Variants in PCDHGB4 observed in about 807,000 individuals in gnomAD.
PCDHGB4 encodes the protein protocadherin gamma-B4.
Under a neutral mutation model 60.5 loss-of-function variants are expected in PCDHGB4, and 38 were observed. The ratio of observed to expected loss-of-function variants is 0.63; its 90% confidence interval spans 0.48 to 0.82. The LOEUF (loss-of-function observed/expected upper bound fraction) is 0.82, where lower values mean the gene tolerates loss of function less well. Among genes scored for constraint, PCDHGB4 ranks in the 40% least tolerant of loss-of-function variants. The pLI, the probability that PCDHGB4 is intolerant of heterozygous loss-of-function variation, is 0.00. For synonymous variants in PCDHGB4, 456 were observed against 509.7 expected (o/e 0.89, Z 1.42); for missense variants, 1,109 against 1,209.6 (o/e 0.92, Z 1.23).
At chr5:141,438,630 A>ATG (rs2098034686) in intron 1 of PCDHGB4, among the ~76,000 whole-genome samples, 1 of 38,920 alleles carries the variant, frequency 2.6e-5, no homozygotes, top group Non-Finnish European at 4.2e-5. Flanking sequence ...ATATATATAT[A>ATG]TATATACACA....
rs771744120 is a variant in PCDHGB4 at position 141,485,876 on chromosome 5, G to A, written c.2398-8931G>A. ...AGAGCTCCGGGTATCCGTGCTGGAC[G>A]TAAACGACAACGCCCCAGCCTTCCA... On this transcript the variant is annotated intron_variant, in intron 1 of 3. Transcript: ENST00000519479. This position sits in a 1 kb window ranked among gnomAD's most constrained non-coding sequence, Gnocchi z 5.7. 1 of 1,614,174 alleles carries A rather than the reference G, an allele frequency of 6.2e-7. No homozygotes were observed. Among genetic ancestry groups the A allele is most frequent in the Non-Finnish European group, 8.5e-7 (1 of 1,180,030 alleles).
intron 1 of PCDHGB4, chr5:141,408,518 T>G: frequency 6.2e-7 from 1 of 1,614,012 alleles, no homozygotes; most frequent in Non-Finnish European, 8.5e-7. Flanking sequence ...TGAGTTGCAA[T>G]TGGAAGCTGT....
intron 1 of PCDHGB4, chr5:141,394,791 C>G (rs919264078): frequency 6.2e-7 from 1 of 1,613,736 alleles, no homozygotes. Flanking sequence ...CACTGTCACG[C>G]TCACCGTAGC....
chr5:141,395,643 T>A (rs2150633577), intron 1 of PCDHGB4: 1 of 171,018 alleles, frequency 5.8e-6, no homozygotes, highest in East Asian at 1.7e-4. Flanking sequence ...GCCTTGTTAT[T>A]AGCTTAGCAA....
chr5:141,394,033 G>A, intron 1 of PCDHGB4: 7 of 1,613,540 alleles, frequency 4.3e-6, no homozygotes, highest in Non-Finnish European at 5.9e-6. Context: ...TTAGTGACAA[G>A]GAAATATTTG....
rs140088812 is a variant in PCDHGB4, at chr5:141,489,695, T to C, written c.2398-5112T>C. The C allele has an allele frequency of 6.2e-7, 1 of 1,614,088 alleles. No homozygotes were observed. The highest frequency in any genetic ancestry group is 1.3e-5 in the African/African-American group (1 of 75,026). On this transcript the variant is annotated intron_variant, in intron 1 of 3. Transcript: ENST00000519479. This position sits in a 1 kb window ranked among gnomAD's most constrained non-coding sequence, Gnocchi z 4.5. ...GAATCAGCAGCATCTGGGGCACGAT[T>C]CCCACTGGACAGTGCCCAGGATCCG...
chr5:141,389,575 C>T lies in PCDHGB4; in HGVS notation c.1691C>T (p.Ala564Val). 1.2e-6 allele frequency: 2 copies of T among 1,613,242 alleles called. No homozygotes were observed. Among genetic ancestry groups the T allele is most frequent in the African/African-American group, 1.3e-5 (1 of 75,062 alleles). ...NDNAPRVLYP[A>V]LGPDGSALFD... ...AATGCGCCACGGGTGCTGTACCCCG[C>T]GCTGGGTCCCGACGGCTCTGCGCTC... The change falls in exon 1 of 4, where the codon GCG becomes GTG. Residue 564 changes from alanine (A) to valine (V), a missense_variant. By Grantham distance (64) the Ala-to-Val change is moderately conservative. Transcript: ENST00000519479.
intron 1 of PCDHGB4, chr5:141,392,745 G>T: frequency 6.9e-7 from 1 of 1,441,296 alleles, no homozygotes; most frequent in Non-Finnish European, 9.1e-7. Flanking sequence ...CCATAGCTGC[G>T]GCAAGAAACT....
chr5:141,462,597 T>C (rs182073985), intron 1 of PCDHGB4, among the ~76,000 whole-genome samples: 1 of 152,320 alleles, frequency 6.6e-6, no homozygotes, highest in East Asian at 1.9e-4. Context: ...TTCCATTTCA[T>C]ATATTGTATT....
intron 1 of PCDHGB4, chr5:141,403,746 C>G (rs773668506): frequency 1.2e-6 from 2 of 1,613,904 alleles, no homozygotes; most frequent in Non-Finnish European, 8.5e-7. Flanking sequence ...CTTACTGCAA[C>G]AGCCAGCGAC....
In PCDHGB4 at chr5:141,414,479, C is replaced by G. The variant is rs752879517; in HGVS notation, c.2397+24198C>G. The G allele has an allele frequency of 3.1e-6, 5 of 1,613,906 alleles. No homozygotes were observed. The highest frequency in any genetic ancestry group is 1.3e-5 in the African/African-American group (1 of 75,040). Reference sequence around the variant, plus strand: ...ACAGCCACAGATGGGGGAAGTCCTCCTCTATCAACGGAAGCTCACTTTATG... The same window carrying G: ...ACAGCCACAGATGGGGGAAGTCCTCGTCTATCAACGGAAGCTCACTTTATG... On this transcript the variant is annotated intron_variant, in intron 1 of 3. Coordinates refer to ENST00000519479, the MANE Select transcript of PCDHGB4 (RefSeq NM_003736.4).
intron 1 of PCDHGB4, among the ~76,000 whole-genome samples, chr5:141,430,253 T>G (rs2097270288): frequency 9.8e-6 from 1 of 102,050 alleles, no homozygotes; most frequent in Admixed American, 1.0e-4. Context: ...TAGGGAGACA[T>G]CTCCATAATA....
Position 141,431,041 on chromosome 5 carries a change from G to C in PCDHGB4, c.2397+40760G>C, listed in dbSNP as rs2097339173. On this transcript the variant is annotated intron_variant, in intron 1 of 3. Coordinates refer to ENST00000519479, the MANE Select transcript of PCDHGB4 (RefSeq NM_003736.4). The surrounding 1 kb of genome is among the most constrained non-coding windows in gnomAD (Gnocchi z 4.8). ...CGGCGGGCAGGATAGACCGGGAGGA[G>C]CTCTGTATGGGGGCCATCAAGTGTC... The C allele has an allele frequency of 6.2e-7, 1 of 1,614,116 alleles. No homozygotes were observed. Among genetic ancestry groups the C allele is most frequent in the Non-Finnish European group, 8.5e-7 (1 of 1,180,046 alleles).
At chr5:141,399,632 C>A in intron 1 of PCDHGB4, 2 of 1,613,894 alleles carry the variant, frequency 1.2e-6, no homozygotes, top group Non-Finnish European at 1.7e-6. Context: ...TCTTACGTGT[C>A]CATGAGCGCG....
chr5:141,414,909 C>T (rs1230113440), intron 1 of PCDHGB4: 10 of 1,614,102 alleles, frequency 6.2e-6, no homozygotes, highest in Admixed American at 1.7e-5. Context: ...GTTCCACAGG[C>T]GTGGAGCTGG....
chr5:141,403,855 A>G (rs750458276), intron 1 of PCDHGB4: 12 of 1,613,676 alleles, frequency 7.4e-6, no homozygotes, highest in Non-Finnish European at 1.0e-5. Flanking sequence ...CTGGGGAAAT[A>G]TCAACAGCAA....
intron 1 of PCDHGB4, among the ~76,000 whole-genome samples, chr5:141,425,336 G>A (rs2096868804): frequency 6.6e-6 from 1 of 152,182 alleles, no homozygotes; most frequent in South Asian, 2.1e-4. Flanking sequence ...CAAAAAGGAA[G>A]GGTTGGCTTT....
chr5:141,408,230 C>G (rs1470965375), intron 1 of PCDHGB4: 1 of 1,566,168 alleles, frequency 6.4e-7, no homozygotes, highest in Non-Finnish European at 8.7e-7. Flanking sequence ...GCAGAGGCGC[C>G]GGGCCGGCCC....
chr5:141,444,152 A>AT (rs747671382), intron 1 of PCDHGB4, among the ~76,000 whole-genome samples: 1,130 of 33,890 alleles, frequency 0.033, 460 homozygotes, highest in Non-Finnish European at 0.038. Flanking sequence ...TGTGTACTGG[A>AT]TTTTTTTTTT....
Sources: allele counts gnomAD v4.1 joint callset (sites outside exome capture counted in the v4.1 genomes callset), GRCh38; gene constraint gnomAD v4.1.1; non-coding constraint Gnocchi (gnomAD v3.1); transcripts MANE v1.5; gene names NCBI Gene and HGNC (gene_info 2026-07-23, HGNC 2026-07-21).